The following KIAA1217 variants were observed in gnomAD, a reference collection of about 807,000 sequenced individuals.
KIAA1217 encodes the protein sickle tail protein homolog.
Under a neutral mutation model 163.9 loss-of-function variants are expected in KIAA1217, and 88 were observed. The observed-to-expected ratio is 0.54, with a 90% CI of 0.45 to 0.64. KIAA1217 has a LOEUF of 0.64. Among genes scored for constraint, KIAA1217 ranks in the 30% least tolerant of loss-of-function variants. KIAA1217 has a pLI of 0.00. For synonymous variants in KIAA1217, 903 were observed against 923.1 expected, an observed-to-expected ratio of 0.98 and a Z score of 0.39; for missense variants, 2,372 against 2,475.0, an observed-to-expected ratio of 0.96 and a Z score of 0.88.
At chr10:23,698,938 C>T (rs1836223814) in intron 1 of KIAA1217, among the ~76,000 whole-genome samples, 1 of 152,208 alleles carries the variant, frequency 6.6e-6, no homozygotes, top group Non-Finnish European at 1.5e-5. Flanking sequence ...GTGTACACCA[C>T]CGTGCCTGGC....
At chr10:23,877,983 G>T (rs181430926) in intron 1 of KIAA1217, among the ~76,000 whole-genome samples, 101 of 152,018 alleles carry the variant, frequency 6.6e-4, no homozygotes, top group African/African-American at 2.3e-3. Flanking sequence ...GGGGCACACA[G>T]TTCAGCTGAA....
chr10:24,172,791 C>T (rs2065692578), intron 2 of KIAA1217, among the ~76,000 whole-genome samples: 1 of 152,186 alleles, frequency 6.6e-6, no homozygotes. Flanking sequence ...TTTGTTTTTA[C>T]AGGTATTTGG....
chr10:24,489,514 T>A (rs2065830037), intron 6 of KIAA1217, among the ~76,000 whole-genome samples: 1 of 151,920 alleles, frequency 6.6e-6, no homozygotes, highest in Admixed American at 6.6e-5. Flanking sequence ...TTAGTGACAC[T>A]TTGGTCAGTA....
intron 2 of KIAA1217, among the ~76,000 whole-genome samples, chr10:24,109,376 T>G (rs2062755959): frequency 6.6e-6 from 1 of 151,700 alleles, no homozygotes; most frequent in African/African-American, 2.4e-5. Flanking sequence ...TTGGTTGAAC[T>G]GTGGTCTCTT....
At chr10:23,864,151 G>T (rs113783684) in intron 1 of KIAA1217, among the ~76,000 whole-genome samples, 511 of 151,484 alleles carry the variant, frequency 3.4e-3, no homozygotes, top group African/African-American at 0.012. Context: ...TACATAAAAG[G>T]TCACACTCAA....
chr10:23,877,070 G>GAAATGAT (rs1840731777), intron 1 of KIAA1217, among the ~76,000 whole-genome samples: 1 of 151,886 alleles, frequency 6.6e-6, no homozygotes, highest in Non-Finnish European at 1.5e-5. Flanking sequence ...ATCATTTCTA[G>GAAATGAT]GGTCCCTTTC....
rs374949484 is a variant in KIAA1217 at position 23,907,072 on chromosome 10, A to G, written c.-320-100153A>G. ...AGTCATTTATGGATTTCTATATATA[A>G]ATAATTGACATGAAAACTGCACACC... On this transcript the variant is annotated intron_variant, in intron 1 of 18. Coordinates refer to the KIAA1217 transcript ENST00000376462. Among the ~76,000 whole-genome samples the G allele has an allele frequency of 4.6e-5, 7 of 152,214 alleles. No homozygotes were observed. The South Asian group carries it at 1.5e-3, about 32-fold the overall frequency.
rs372474021 is a variant in KIAA1217, at chr10:23,807,174, C to T, written c.-321+111940C>T. 2.0e-3 allele frequency among the ~76,000 whole-genome samples: 299 copies of T among 152,336 alleles called. 1 individual carries two copies. Among genetic ancestry groups the T allele is most frequent in the Non-Finnish European group, 3.6e-3 (246 of 68,032 alleles). ...ATTCATTTCAGCTGTGTTAGCTGCT[C>T]CTGTCTGCACAGGGCCTTTCTGGCC... On this transcript the variant is annotated intron_variant, in intron 1 of 18. Transcript: ENST00000376462.
intron 4 of KIAA1217, 86 bp from the exon 5 acceptor site, chr10:24,438,300 T>G (rs1174156990): frequency 2.3e-6 from 2 of 885,008 alleles, no homozygotes; most frequent in Non-Finnish European, 3.8e-6. Context: ...TTCATGTTTT[T>G]TACCTGATCT....
chr10:24,032,690 T>C (rs1235860026), intron 2 of KIAA1217, among the ~76,000 whole-genome samples: 2 of 152,158 alleles, frequency 1.3e-5, no homozygotes, highest in Non-Finnish European at 2.9e-5. Flanking sequence ...CAGGGATAAA[T>C]CTGAATATAT....
At chr10:24,372,417 A>C (rs1307974756) in intron 2 of KIAA1217, among the ~76,000 whole-genome samples, 1 of 152,170 alleles carries the variant, frequency 6.6e-6, no homozygotes, top group Non-Finnish European at 1.5e-5. Context: ...TGAGAGTCCT[A>C]AAGGTGTTTC....
intron 2 of KIAA1217, among the ~76,000 whole-genome samples, chr10:24,244,561 CTTT>C (rs11318420): frequency 1.2e-5 from 1 of 85,282 alleles, no homozygotes; most frequent in African/African-American, 4.5e-5. Context: ...TTCTTTCTTT[CTTT>C]TTTTTTTTTT....
At chr10:23,938,362 C>G (rs562003611) in intron 1 of KIAA1217, among the ~76,000 whole-genome samples, 3 of 152,158 alleles carry the variant, frequency 2.0e-5, no homozygotes, top group South Asian at 4.2e-4. Flanking sequence ...TTGATTGAAT[C>G]AAAATGTTTC....
intron 2 of KIAA1217, among the ~76,000 whole-genome samples, chr10:24,271,836 G>A (rs144223791): frequency 1.5e-4 from 23 of 151,894 alleles, no homozygotes; most frequent in African/African-American, 5.3e-4. Context: ...GCCCATTCTA[G>A]CTATATATAT....
intron 2 of KIAA1217, among the ~76,000 whole-genome samples, chr10:24,350,034 C>T (rs1447152398): frequency 6.6e-6 from 1 of 152,130 alleles, no homozygotes; most frequent in Non-Finnish European, 1.5e-5. Flanking sequence ...TAAAAGCAGG[C>T]ATGATGCATG....
At chr10:24,438,088 C>G (rs761423116) in intron 4 of KIAA1217, among the ~76,000 whole-genome samples, 2 of 151,334 alleles carry the variant, frequency 1.3e-5, no homozygotes, top group Non-Finnish European at 2.9e-5. Context: ...AGTTTCCATA[C>G]TCGGAATCTT....
chr10:23,790,391 GTATATATACATATATA>G (rs1835789521), intron 1 of KIAA1217, among the ~76,000 whole-genome samples: 1 of 90,664 alleles, frequency 1.1e-5, no homozygotes, highest in Admixed American at 1.1e-4. Flanking sequence ...ATATACATAT[GTATATATACATATATA>G]CATATACATA....
intron 1 of KIAA1217, among the ~76,000 whole-genome samples, chr10:23,864,607 A>G (rs1477881813): frequency 6.6e-6 from 1 of 151,648 alleles, no homozygotes. Context: ...TTTTTCCCGT[A>G]TTTGTACAGA....
intron 1 of KIAA1217, among the ~76,000 whole-genome samples, chr10:23,857,039 C>A (rs1420420805): frequency 6.6e-6 from 1 of 152,244 alleles, no homozygotes; most frequent in Non-Finnish European, 1.5e-5. Flanking sequence ...CACTGTCTGG[C>A]ACTCCCTAGT....
Sources: gnomAD v4.1 joint callset for allele counts (sites outside exome capture counted in the v4.1 genomes callset) on GRCh38, gnomAD v4.1.1 for gene constraint, MANE v1.5 for transcripts, NCBI Gene and HGNC (gene_info 2026-07-23, HGNC 2026-07-21) for gene names.